Variants in ASH1L observed in about 807,000 individuals in gnomAD.
ASH1L encodes the protein ASH1 like histone lysine methyltransferase.
ASH1L carries 23 observed loss-of-function variants against 269.0 expected under a neutral mutation model. The ratio of observed to expected loss-of-function variants is 0.09; its 90% CI spans 0.06 to 0.12. ASH1L has a LOEUF of 0.12. Among genes scored for constraint, ASH1L ranks in the 10% least tolerant of loss-of-function variants. The probability of loss-of-function intolerance (pLI) is 1.00; values close to 1 mark genes in which losing one functional copy is unlikely to be tolerated. For missense variants in ASH1L, 2,912 were observed against 3,567.8 expected (o/e 0.82, Z 4.68); for synonymous variants, 1,187 against 1,253.5 (o/e 0.95, Z 1.12).
chr1:155,374,100 G>A (rs147804772), intron 10 of ASH1L, among the ~76,000 whole-genome samples: 61 of 152,286 alleles, frequency 4.0e-4, no homozygotes, highest in African/African-American at 1.4e-3. Flanking sequence ...GGGCAGAGGC[G>A]GGAGGATCAC....
intron 22 of ASH1L, 62 bp downstream of exon 22, chr1:155,344,121 G>A: frequency 7.0e-7 from 1 of 1,427,178 alleles, no homozygotes; most frequent in Non-Finnish European, 9.9e-7. Context: ...GGAGACAGCA[G>A]AGACTTCCTA....
intron 10 of ASH1L, among the ~76,000 whole-genome samples, chr1:155,371,970 A>C (rs1265000637): frequency 1.3e-5 from 2 of 149,786 alleles, no homozygotes. Flanking sequence ...CTAGGATTAC[A>C]AGCTTGTGAA....
intron 3 of ASH1L, among the ~76,000 whole-genome samples, chr1:155,463,322 T>G (rs931523092): frequency 1.3e-5 from 2 of 152,164 alleles, no homozygotes; most frequent in Non-Finnish European, 2.9e-5. Flanking sequence ...CAAATTAAAC[T>G]AGAGAGAATC....
intron 6 of ASH1L, chr1:155,396,442 G>A (rs774464093): frequency 6.6e-6 from 1 of 152,058 alleles, no homozygotes. Context: ...AGCTTCCCAA[G>A]TAGCTGGGAT....
At chr1:155,537,175 T>G (rs985998716) in intron 1 of ASH1L, among the ~76,000 whole-genome samples, 2 of 152,220 alleles carry the variant, frequency 1.3e-5, no homozygotes, top group African/African-American at 4.8e-5. Flanking sequence ...GCCTAGAGTT[T>G]AAAGCTGATA....
chr1:155,474,166 T>G (rs942153178), intron 3 of ASH1L, among the ~76,000 whole-genome samples: 1 of 152,126 alleles, frequency 6.6e-6, no homozygotes, highest in Non-Finnish European at 1.5e-5. Context: ...TTTTTGAAAA[T>G]TATTACTTTT....
At chr1:155,356,800 A>T (rs1240388834) in intron 15 of ASH1L, among the ~76,000 whole-genome samples, 1 of 151,970 alleles carries the variant, frequency 6.6e-6, no homozygotes, top group Admixed American at 6.6e-5. Flanking sequence ...ATTAGGGAAC[A>T]TAAGATGGTT....
chr1:155,383,924 TTG>T (rs1423952242), intron 7 of ASH1L, among the ~76,000 whole-genome samples: 2 of 152,100 alleles, frequency 1.3e-5, no homozygotes, highest in Non-Finnish European at 2.9e-5. Context: ...AAAATGCAAA[TTG>T]TGTTATGTAT....
At chr1:155,419,474 C>A (rs539571741) in intron 5 of ASH1L, 3 of 151,548 alleles carry the variant, frequency 2.0e-5, no homozygotes, top group Non-Finnish European at 4.4e-5. Context: ...GAATGATATG[C>A]AAACTTGTGA....
chr1:155,352,770 C>T lies in ASH1L; in HGVS notation c.7302G>A (p.Val2434=). Residue 2434 remains valine (V), a synonymous_variant, in exon 17 of 28, where the codon GTG becomes GTA. Coordinates refer to ENST00000392403, the MANE Select transcript of ASH1L (RefSeq NM_018489.3). ...RLAAAEENIE[V]ARAARLAQIF... ...TCTGGGCTAGGCGGGCTGCCCGAGC[C>T]ACTTCAATATTTTCCTCTGCAGCTG... The T allele has an allele frequency of 6.2e-7, 1 of 1,614,124 alleles. No individual in the cohort carries two copies. Among genetic ancestry groups the T allele is most frequent in the South Asian group, 1.1e-5 (1 of 91,084 alleles).
intron 25 of ASH1L, among the ~76,000 whole-genome samples, chr1:155,341,456 G>A (rs892612798): frequency 1.2e-4 from 19 of 152,126 alleles, no homozygotes; most frequent in South Asian, 8.3e-4. Flanking sequence ...GATTACAGGC[G>A]TGAGCCACCG....
At chr1:155,490,436 AC>A (rs1228238300) in intron 2 of ASH1L, among the ~76,000 whole-genome samples, 1 of 141,086 alleles carries the variant, frequency 7.1e-6, no homozygotes, top group African/African-American at 2.7e-5. Flanking sequence ...ACATGGTGAA[AC>A]CCCATCTCTA....
intron 1 of ASH1L, among the ~76,000 whole-genome samples, chr1:155,548,239 G>A (rs2148904044): frequency 6.6e-6 from 1 of 152,252 alleles, no homozygotes; most frequent in East Asian, 1.9e-4. Context: ...CCTAGATGAT[G>A]AGCTGGATGC....
At chr1:155,518,134 C>G (rs1220451268) in intron 2 of ASH1L, among the ~76,000 whole-genome samples, 2 of 152,096 alleles carry the variant, frequency 1.3e-5, no homozygotes, top group Non-Finnish European at 2.9e-5. Context: ...CAAAACCATT[C>G]AATGAAGAAA....
chr1:155,443,217 T>G, intron 4 of ASH1L, among the ~76,000 whole-genome samples: 1 of 152,218 alleles, frequency 6.6e-6, no homozygotes, highest in East Asian at 1.9e-4. Flanking sequence ...TACCAATGCA[T>G]TTAATCCATG....
chr1:155,338,345 C>G lies in ASH1L; in HGVS notation c.8547G>C (p.Leu2849Phe), dbSNP rs1652491655. Residue 2849 changes from leucine to phenylalanine, a missense_variant, in exon 27 of 28, where the codon TTG becomes TTC. Leu to Phe is a conservative substitution (Grantham distance 22). Around this residue, in one of 13 missense-constraint regions of ASH1L, gnomAD observed 154 missense variants for 165.0 expected, o/e 0.93. Coordinates refer to ENST00000392403, the MANE Select transcript of ASH1L (RefSeq NM_018489.3). ...SERSKPPLKDLGQEDDALPLI... is the reference protein window; with the variant it reads ...SERSKPPLKDFGQEDDALPLI... The stretch of plus-strand genomic sequence containing the variant: ...AGGGTAGAGCATCATCCTCCTGGCC[C>G]AAGTCTTTTAGGGGTGGCTTTGAGC... 6.2e-7 allele frequency: 1 copy of G among 1,613,910 alleles called. No homozygotes were observed. Among genetic ancestry groups the G allele is most frequent in the Non-Finnish European group, 8.5e-7 (1 of 1,180,018 alleles).
At chr1:155,497,283 C>T (rs975135444) in intron 2 of ASH1L, among the ~76,000 whole-genome samples, 1 of 152,170 alleles carries the variant, frequency 6.6e-6, no homozygotes, top group South Asian at 2.1e-4. Context: ...CTTCACAGTT[C>T]ATCAATGGAT....
chr1:155,469,936 T>C (rs1180736386), intron 3 of ASH1L, among the ~76,000 whole-genome samples: 1 of 152,258 alleles, frequency 6.6e-6, no homozygotes, highest in Non-Finnish European at 1.5e-5. Flanking sequence ...CTTTATGATC[T>C]GCCTATCTTT....
chr1:155,415,281 C>A (rs1201372734), intron 6 of ASH1L, among the ~76,000 whole-genome samples: 1 of 149,844 alleles, frequency 6.7e-6, no homozygotes, highest in East Asian at 2.0e-4. Context: ...ACTCGGGAGG[C>A]TGAGGTAGGA....
Sources: allele counts gnomAD v4.1 joint callset (sites outside exome capture counted in the v4.1 genomes callset), GRCh38; gene constraint gnomAD v4.1.1; regional missense constraint gnomAD v4.1.1; transcripts MANE v1.5; gene names NCBI Gene and HGNC (gene_info 2026-07-23, HGNC 2026-07-21).